Variants in SLC25A12 observed in about 807,000 individuals in gnomAD.
The protein encoded by SLC25A12 is solute carrier family 25 member 12.
In SLC25A12, 32 loss-of-function variants were observed where a neutral mutation model predicts 83.3. That is an observed-to-expected ratio of 0.38 (90% CI 0.29 to 0.52). The LOEUF is 0.52. Among genes scored for constraint, SLC25A12 ranks in the 20% least tolerant of loss-of-function variants. The pLI, the probability that SLC25A12 is intolerant of heterozygous loss-of-function variation, is 0.84. For missense variants in SLC25A12, 611 were observed against 835.6 expected, an observed-to-expected ratio of 0.73 and a Z score of 3.31; for synonymous variants, 267 against 291.1, an observed-to-expected ratio of 0.92 and a Z score of 0.84.
intron 9 of SLC25A12, among the ~76,000 whole-genome samples, chr2:171,816,851 T>C (rs928943522): frequency 2.0e-5 from 3 of 152,200 alleles, no homozygotes; most frequent in Non-Finnish European, 4.4e-5. Context: ...GAATTCAAGT[T>C]ATGGCATTGC....
intron 8 of SLC25A12, among the ~76,000 whole-genome samples, chr2:171,829,687 C>T (rs912093217): frequency 6.6e-6 from 1 of 152,156 alleles, no homozygotes; most frequent in African/African-American, 2.4e-5. Flanking sequence ...TCAGAGAACC[C>T]CAGAAAATTT....
intron 3 of SLC25A12, among the ~76,000 whole-genome samples, chr2:171,867,035 G>T (rs1443298779): frequency 6.6e-6 from 1 of 150,656 alleles, no homozygotes. Context: ...ATCCCAGACG[G>T]GGCGGTGGGG....
At chr2:171,788,053 C>T in intron 15 of SLC25A12, 106 bp from the exon 16 acceptor site, 1 of 1,121,230 alleles carries the variant, frequency 8.9e-7, no homozygotes. Context: ...TTGAGCGGAA[C>T]TCAAAACTCT....
chr2:171,822,735 T>C (rs761841734), intron 9 of SLC25A12, among the ~76,000 whole-genome samples: 3 of 152,226 alleles, frequency 2.0e-5, no homozygotes, highest in Non-Finnish European at 4.4e-5. Context: ...GGATGTTACA[T>C]AATCAGTGGC....
intron 13 of SLC25A12, among the ~76,000 whole-genome samples, chr2:171,796,584 A>G (rs1683601640): frequency 6.6e-6 from 1 of 152,186 alleles, no homozygotes; most frequent in Non-Finnish European, 1.5e-5. Context: ...CAGGAGGATT[A>G]CTTGAGCCCA....
At chr2:171,793,959 C>T (rs1307150106) in intron 13 of SLC25A12, among the ~76,000 whole-genome samples, 192 bp from the exon 14 acceptor site, 1 of 152,200 alleles carries the variant, frequency 6.6e-6, no homozygotes, top group Non-Finnish European at 1.5e-5. Flanking sequence ...TGGTCCCAAA[C>T]TCTGTCTCAG....
intron 4 of SLC25A12, among the ~76,000 whole-genome samples, chr2:171,853,502 G>C (rs914467192): frequency 6.6e-6 from 1 of 152,156 alleles, no homozygotes; most frequent in Non-Finnish European, 1.5e-5. Context: ...CAACATGGGC[G>C]AAGCCCCGTC....
chr2:171,841,692 T>C (rs980558275), intron 5 of SLC25A12, among the ~76,000 whole-genome samples: 2 of 152,178 alleles, frequency 1.3e-5, no homozygotes, highest in South Asian at 2.1e-4. Context: ...GGTTTTTACA[T>C]ATGAAAAGTC....
intron 9 of SLC25A12, among the ~76,000 whole-genome samples, chr2:171,821,542 T>C (rs1314122373): frequency 2.0e-5 from 3 of 152,186 alleles, no homozygotes; most frequent in African/African-American, 7.2e-5. Flanking sequence ...TAGTATAAAA[T>C]AGCATCCCAT....
At chr2:171,853,705 A>C (rs527890223) in intron 4 of SLC25A12, among the ~76,000 whole-genome samples, 28 of 152,240 alleles carry the variant, frequency 1.8e-4, no homozygotes, top group African/African-American at 6.7e-4. Context: ...TAAAGTTGAG[A>C]TCTAATGACT....
intron 10 of SLC25A12, among the ~76,000 whole-genome samples, chr2:171,814,654 C>A (rs896424711): frequency 6.6e-6 from 1 of 151,828 alleles, no homozygotes; most frequent in Non-Finnish European, 1.5e-5. Context: ...CACCCTCCCC[C>A]ACAAGTAGAC....
At chr2:171,841,518 G>A (rs191797745) in intron 5 of SLC25A12, among the ~76,000 whole-genome samples, 67 of 152,058 alleles carry the variant, frequency 4.4e-4, no homozygotes, top group Non-Finnish European at 6.8e-4. Flanking sequence ...GACTATAGTC[G>A]TGTGCCACCA....
At chr2:171,883,248 G>A (rs1227100924) in intron 2 of SLC25A12, among the ~76,000 whole-genome samples, 3 of 152,138 alleles carry the variant, frequency 2.0e-5, no homozygotes, top group African/African-American at 7.2e-5. Flanking sequence ...AGCTTTATTT[G>A]GTTCTGCATA....
intron 13 of SLC25A12, among the ~76,000 whole-genome samples, chr2:171,804,030 T>C (rs1433638518): frequency 6.6e-6 from 1 of 152,118 alleles, no homozygotes; most frequent in African/African-American, 2.4e-5. Context: ...CAAAACCTTA[T>C]ATACCAATAT....
intron 3 of SLC25A12, among the ~76,000 whole-genome samples, chr2:171,859,720 G>A (rs1685113725): frequency 6.6e-6 from 1 of 152,128 alleles, no homozygotes; most frequent in Non-Finnish European, 1.5e-5. Flanking sequence ...ATTGGTATGG[G>A]GTTTCAGTAT....
intron 2 of SLC25A12, among the ~76,000 whole-genome samples, chr2:171,886,824 T>G (rs1685833855): frequency 6.6e-6 from 1 of 152,226 alleles, no homozygotes; most frequent in Non-Finnish European, 1.5e-5. Context: ...ATTCTTATAT[T>G]TTTACAAATA....
chr2:171,837,341 GGACA>G, intron 5 of SLC25A12, 74 bp from the exon 6 acceptor site: 7 of 1,487,070 alleles, frequency 4.7e-6, no homozygotes, highest in Non-Finnish European at 5.6e-6. Context: ...AAGGAAGGAA[GGACA>G]GATATCCTTC....
At chr2:171,818,991 T>C (rs2105869284) in intron 9 of SLC25A12, among the ~76,000 whole-genome samples, 1 of 151,154 alleles carries the variant, frequency 6.6e-6, no homozygotes, top group Admixed American at 6.6e-5. Context: ...ACTACATCTA[T>C]GACTTCAATA....
Position 171,893,193 on chromosome 2 carries a change from A to C in SLC25A12, c.66+12T>G. 1 of 1,613,180 alleles carries C rather than the reference A, an allele frequency of 6.2e-7. No individual in the cohort carries two copies. The highest frequency in any genetic ancestry group is 8.5e-7 in the Non-Finnish European group (1 of 1,179,094). On this transcript the variant is annotated intron_variant, in intron 2 of 17. Transcript: ENST00000422440. Reference sequence around the variant, plus strand: ...TTTTGCAATGAAAGGCACACTATGCAAGCCAATTTACCTGTAGAAATATGT... The same window carrying C: ...TTTTGCAATGAAAGGCACACTATGCCAGCCAATTTACCTGTAGAAATATGT...
Sources: gnomAD v4.1 joint callset for allele counts (sites outside exome capture counted in the v4.1 genomes callset) on GRCh38, gnomAD v4.1.1 for gene constraint, MANE v1.5 for transcripts, NCBI Gene and HGNC (gene_info 2026-07-23, HGNC 2026-07-21) for gene names.